Variants in CSMD1 observed in about 807,000 individuals in gnomAD.
CSMD1 encodes the protein CUB and sushi domain-containing protein 1.
A neutral mutation model predicts 417.5 loss-of-function variants in CSMD1; 213 were observed. The observed-to-expected ratio is 0.51, with a 90% CI of 0.46 to 0.57. The LOEUF is 0.57. CSMD1 is among the 20% of genes least tolerant of loss of function. CSMD1 has a pLI of 0.00. For missense variants in CSMD1, 6,923 were observed against 4,529.7 expected, an observed-to-expected ratio of 1.53 and a Z score of -15.17; for synonymous variants, 2,862 against 1,736.8, an observed-to-expected ratio of 1.65 and a Z score of -16.11.
intron 44 of CSMD1, among the ~76,000 whole-genome samples, 191 bp downstream of exon 44, chr8:3,108,412 C>T (rs553937478): frequency 1.3e-5 from 2 of 152,076 alleles, no homozygotes; most frequent in East Asian, 3.9e-4. Context: ...AAGCTGGATA[C>T]GATGTGAAAT....
intron 7 of CSMD1, among the ~76,000 whole-genome samples, chr8:3,673,193 C>G (rs1799171411): frequency 6.6e-6 from 1 of 152,194 alleles, no homozygotes; most frequent in African/African-American, 2.4e-5. Context: ...TGAAATTATT[C>G]AACCACATAT....
At chr8:3,609,425 A>T (rs943306189) in intron 8 of CSMD1, among the ~76,000 whole-genome samples, 8 of 152,204 alleles carry the variant, frequency 5.3e-5, no homozygotes, top group Admixed American at 1.3e-4. Context: ...ACTGTCCCCA[A>T]ACTGACTTGA....
chr8:4,301,195 G>C (rs1020289217), intron 3 of CSMD1, among the ~76,000 whole-genome samples: 1 of 152,054 alleles, frequency 6.6e-6, no homozygotes, highest in African/African-American at 2.4e-5. Flanking sequence ...CCTGGGTAGT[G>C]GTCTGCTAAA....
intron 1 of CSMD1, among the ~76,000 whole-genome samples, chr8:4,667,513 A>C (rs577968919): frequency 5.5e-4 from 84 of 151,670 alleles, no homozygotes; most frequent in African/African-American, 1.9e-3. Context: ...CCCTCCTTTT[A>C]TGTAGGTCTT....
At chr8:3,896,090 A>G (rs1204896067) in intron 5 of CSMD1, among the ~76,000 whole-genome samples, 1 of 152,178 alleles carries the variant, frequency 6.6e-6, no homozygotes, top group East Asian at 1.9e-4. Context: ...TACACCTCTG[A>G]TGGTAACTTC....
intron 1 of CSMD1, among the ~76,000 whole-genome samples, chr8:4,895,943 A>T (rs1804452688): frequency 6.6e-6 from 1 of 151,878 alleles, no homozygotes; most frequent in South Asian, 2.1e-4. Flanking sequence ...TTTTGACATC[A>T]TCCCTCCATT....
At chr8:3,573,952 T>A (rs543504061) in intron 10 of CSMD1, among the ~76,000 whole-genome samples, 1 of 152,232 alleles carries the variant, frequency 6.6e-6, no homozygotes, top group Non-Finnish European at 1.5e-5. Flanking sequence ...AGCATCTATA[T>A]TGAACTTAAA....
At chr8:4,563,376 G>C (rs58916494) in intron 2 of CSMD1, among the ~76,000 whole-genome samples, 44 of 152,170 alleles carry the variant, frequency 2.9e-4, no homozygotes, top group African/African-American at 1.0e-3. Flanking sequence ...ACTCCAGCCT[G>C]GGTAACAGAG....
At chr8:3,977,976 T>C (rs1813570772) in intron 5 of CSMD1, among the ~76,000 whole-genome samples, 2 of 152,234 alleles carry the variant, frequency 1.3e-5, no homozygotes, top group African/African-American at 2.4e-5. Context: ...GTCCATCTAC[T>C]AGCTCTTACC....
intron 1 of CSMD1, among the ~76,000 whole-genome samples, chr8:4,909,345 C>T (rs1805509064): frequency 6.6e-6 from 1 of 152,144 alleles, no homozygotes; most frequent in African/African-American, 2.4e-5. Context: ...TTGCCTTCTA[C>T]TACTTTTCCA....
At chr8:3,123,257 T>C (rs1428977061) in intron 41 of CSMD1, among the ~76,000 whole-genome samples, 2 of 152,108 alleles carry the variant, frequency 1.3e-5, no homozygotes, top group Non-Finnish European at 2.9e-5. Context: ...GTCAAATGCA[T>C]AGCAAGGCCA....
At chr8:3,770,015 G>C (rs1233278407) in intron 5 of CSMD1, among the ~76,000 whole-genome samples, 2 of 152,030 alleles carry the variant, frequency 1.3e-5, no homozygotes, top group Non-Finnish European at 2.9e-5. Flanking sequence ...CCTTTTTTTA[G>C]ATCCGGCCAA....
intron 3 of CSMD1, among the ~76,000 whole-genome samples, chr8:4,160,174 G>T (rs144265654): frequency 2.6e-5 from 4 of 151,850 alleles, no homozygotes; most frequent in Non-Finnish European, 5.9e-5. Context: ...TACTGACTAA[G>T]ACTTAAGGGG....
chr8:4,969,202 C>T (rs1810085562), intron 1 of CSMD1, among the ~76,000 whole-genome samples: 1 of 152,098 alleles, frequency 6.6e-6, no homozygotes, highest in Admixed American at 6.6e-5. Context: ...CTCCTGCTCA[C>T]TGCTATGCTA....
chr8:4,619,561 T>C (rs929326867), intron 2 of CSMD1, among the ~76,000 whole-genome samples: 1 of 152,172 alleles, frequency 6.6e-6, no homozygotes, highest in Non-Finnish European at 1.5e-5. Context: ...CTTGCATTAG[T>C]GTTTTGATGA....
chr8:3,775,588 T>G (rs1353145242), intron 5 of CSMD1, among the ~76,000 whole-genome samples: 1 of 152,232 alleles, frequency 6.6e-6, no homozygotes, highest in East Asian at 1.9e-4. Context: ...TGGACTCATG[T>G]GCTCTTGTCA....
chr8:3,815,247 G>A (rs749157001), intron 5 of CSMD1, among the ~76,000 whole-genome samples: 1 of 152,022 alleles, frequency 6.6e-6, no homozygotes, highest in South Asian at 2.1e-4. Flanking sequence ...ATATGATTTG[G>A]GTAAAGTGTC....
chr8:3,739,174 T>A, intron 6 of CSMD1, among the ~76,000 whole-genome samples: 1 of 152,214 alleles, frequency 6.6e-6, no homozygotes. Context: ...AAGTATCTGA[T>A]GCATGCCGGA....
intron 4 of CSMD1, among the ~76,000 whole-genome samples, chr8:4,001,277 G>T (rs879745982): frequency 1.3e-5 from 2 of 152,100 alleles, no homozygotes; most frequent in East Asian, 3.9e-4. Context: ...TATCTGACAG[G>T]AGTGTTTACA....
Sources: gnomAD v4.1 joint callset for allele counts (sites outside exome capture counted in the v4.1 genomes callset) on GRCh38, gnomAD v4.1.1 for gene constraint, MANE v1.5 for transcripts, NCBI Gene and HGNC (gene_info 2026-07-23, HGNC 2026-07-21) for gene names.